C12orf42: variants seen among roughly 807,000 people sequenced by gnomAD.
The protein encoded by C12orf42 is chromosome 12 open reading frame 42.
A neutral mutation model predicts 21.6 loss-of-function variants in C12orf42; 25 were observed. That is an observed-to-expected ratio of 1.16 (90% CI 0.84 to 1.62). The LOEUF is 1.62. Among genes scored for constraint, C12orf42 ranks in the 40% most tolerant of loss-of-function variants. The pLI is 0.00. For missense variants in C12orf42, 483 were observed against 459.3 expected (o/e 1.05, Z -0.47); for synonymous variants, 174 against 175.0 (o/e 0.99, Z 0.05).
At chr12:103,299,016 T>TA (rs1340462774), downstream of C12orf42, among the ~76,000 whole-genome samples, 1 of 152,190 alleles carries the variant, frequency 6.6e-6, no homozygotes, top group Non-Finnish European at 1.5e-5. Flanking sequence ...GGGATATAAG[T>TA]AGAGGCTCTA....
intron 3 of C12orf42, among the ~76,000 whole-genome samples, chr12:103,391,050 C>A (rs2047033509): frequency 1.3e-5 from 2 of 152,260 alleles, no homozygotes; most frequent in East Asian, 3.9e-4. Flanking sequence ...AGTGGAAGTA[C>A]ATAATATTTG....
chr12:103,344,343 A>G (rs1203509089), intron 4 of C12orf42, among the ~76,000 whole-genome samples: 1 of 152,232 alleles, frequency 6.6e-6, no homozygotes, highest in African/African-American at 2.4e-5. Flanking sequence ...GGTAACTATC[A>G]GACATTAAAC....
At chr12:103,329,498 G>C (rs2041025998) in intron 4 of C12orf42, among the ~76,000 whole-genome samples, 1 of 151,708 alleles carries the variant, frequency 6.6e-6, no homozygotes, top group South Asian at 2.1e-4. Flanking sequence ...GTATACCTAT[G>C]TAACAAATCT....
chr12:103,338,790 A>C (rs1339309251), intron 4 of C12orf42, among the ~76,000 whole-genome samples: 3 of 152,136 alleles, frequency 2.0e-5, no homozygotes, highest in Non-Finnish European at 4.4e-5. Context: ...GTGCATTTGC[A>C]GAAAGGGGTG....
intron 3 of C12orf42, among the ~76,000 whole-genome samples, chr12:103,375,663 C>T (rs1389309640): frequency 1.3e-5 from 2 of 152,052 alleles, no homozygotes; most frequent in African/African-American, 2.4e-5. Flanking sequence ...TCGTGTATTG[C>T]TATTACCCCA....
chr12:103,118,772 T>TAAAAAAAAAAAAA, the C12orf42 span, among the ~76,000 whole-genome samples: 13 of 41,656 alleles, frequency 3.1e-4, no homozygotes, highest in African/African-American at 1.2e-3. Flanking sequence ...CACTCCAGCC[T>TAAAAAAAAAAAAA]AAAAAAAAAA....
downstream of C12orf42, among the ~76,000 whole-genome samples, chr12:103,233,526 G>T (rs536762465): frequency 7.9e-5 from 12 of 152,218 alleles, no homozygotes; most frequent in South Asian, 2.5e-3. Flanking sequence ...TTCTCATAAA[G>T]AATTTGTGCA....
the C12orf42 span, among the ~76,000 whole-genome samples, chr12:103,550,980 T>C: frequency 6.6e-6 from 1 of 152,064 alleles, no homozygotes; most frequent in Non-Finnish European, 1.5e-5. Context: ...AAATCCAATG[T>C]CTAGAATCAG....
chr12:103,225,980 T>C, the C12orf42 span, among the ~76,000 whole-genome samples: 137 of 152,312 alleles, frequency 9.0e-4, no homozygotes, highest in Non-Finnish European at 1.7e-3. Flanking sequence ...AAGGAGTCAG[T>C]CAGAGAGCCT....
intron 2 of C12orf42, among the ~76,000 whole-genome samples, chr12:103,472,347 C>A (rs1219933194): frequency 6.6e-6 from 1 of 152,098 alleles, no homozygotes; most frequent in Non-Finnish European, 1.5e-5. Context: ...AGCCACCGCA[C>A]CCAGCCACAA....
At chr12:103,425,658 T>G (rs11111565) in intron 2 of C12orf42, among the ~76,000 whole-genome samples, 1 of 151,992 alleles carries the variant, frequency 6.6e-6, no homozygotes, top group Non-Finnish European at 1.5e-5. Context: ...CAAAAAAGGA[T>G]GTCCACACCA....
intron 2 of C12orf42, among the ~76,000 whole-genome samples, chr12:103,432,723 G>T (rs111840393): frequency 0.012 from 1,777 of 152,236 alleles, 40 homozygotes; most frequent in African/African-American, 0.04. Context: ...GTACAGGTGG[G>T]TCCTAATCCA....
the C12orf42 span, among the ~76,000 whole-genome samples, chr12:103,052,638 C>T: frequency 9.9e-5 from 15 of 152,016 alleles, no homozygotes; most frequent in East Asian, 9.6e-4. Context: ...CATAATGATG[C>T]TTTATGACGA....
intron 4 of C12orf42, among the ~76,000 whole-genome samples, chr12:103,361,818 C>A (rs2044139371): frequency 6.6e-6 from 1 of 152,072 alleles, no homozygotes; most frequent in Admixed American, 6.6e-5. Flanking sequence ...ACCTGGGAAT[C>A]ACACCCCCAT....
At chr12:103,285,315 A>T (rs1473571106) in intron 4 of C12orf42, among the ~76,000 whole-genome samples, 2 of 152,210 alleles carry the variant, frequency 1.3e-5, no homozygotes, top group South Asian at 2.1e-4. Flanking sequence ...ACTTAAAGCA[A>T]TTCATATATC....
At chr12:103,276,703 T>C (rs943284271) in intron 5 of C12orf42, among the ~76,000 whole-genome samples, 1 of 152,134 alleles carries the variant, frequency 6.6e-6, no homozygotes, top group African/African-American at 2.4e-5. Flanking sequence ...ACCTCTGAGA[T>C]TTGGGAGTGA....
At chr12:103,074,521 T>C in the C12orf42 span, among the ~76,000 whole-genome samples, 1 of 152,100 alleles carries the variant, frequency 6.6e-6, no homozygotes, top group African/African-American at 2.4e-5. Flanking sequence ...CCTGTCATTG[T>C]GCAAAGATAG....
At chr12:103,139,597 A>AAAAGAAAG in the C12orf42 span, among the ~76,000 whole-genome samples, 12 of 152,014 alleles carry the variant, frequency 7.9e-5, no homozygotes, top group African/African-American at 2.4e-4. Flanking sequence ...ATCTCTTTAA[A>AAAAGAAAG]AAAGAAAGAA....
At chr12:103,512,872 G>A in the C12orf42 span, among the ~76,000 whole-genome samples, 12 of 151,962 alleles carry the variant, frequency 7.9e-5, no homozygotes, top group African/African-American at 2.9e-4. Context: ...CGTGGTGGTG[G>A]GTGCCTGTAA....
Sources: allele counts gnomAD v4.1 joint callset (sites outside exome capture counted in the v4.1 genomes callset), GRCh38; gene constraint gnomAD v4.1.1; transcripts MANE v1.5; gene names NCBI Gene and HGNC (gene_info 2026-07-23, HGNC 2026-07-21).